The following RGPD4 variants were observed in gnomAD, a reference collection of about 807,000 sequenced individuals.
The protein encoded by RGPD4 is RANBP2 like and GRIP domain containing 4.
Under a neutral mutation model 141.1 loss-of-function variants are expected in RGPD4, and 84 were observed. The observed-to-expected ratio is 0.60, with a 90% CI of 0.50 to 0.71. The LOEUF (loss-of-function observed/expected upper bound fraction) is 0.71. Among genes scored for constraint, RGPD4 ranks in the 30% least tolerant of loss-of-function variants. The pLI, the probability that RGPD4 is intolerant of heterozygous loss-of-function variation, is 0.00. For missense variants in RGPD4, 918 were observed against 1,622.4 expected (o/e 0.57, Z 7.46); for synonymous variants, 298 against 566.8 (o/e 0.53, Z 6.74).
chr2:107,827,106 CCGA>C (rs1681218122), intron 1 of RGPD4, 21 bp downstream of exon 1: 1 of 1,579,332 alleles, frequency 6.3e-7, no homozygotes, highest in Non-Finnish European at 8.6e-7. Flanking sequence ...CTCGAAGAGA[CCGA>C]CGGCCTCGAC....
At chr2:107,832,398 A>G (rs1681524067) in intron 1 of RGPD4, among the ~76,000 whole-genome samples, 1 of 151,200 alleles carries the variant, frequency 6.6e-6, no homozygotes, top group Non-Finnish European at 1.5e-5. Flanking sequence ...GTTTTGGTGT[A>G]GCATAGTCTC....
chr2:107,829,582 G>T (rs1172798244), intron 1 of RGPD4, among the ~76,000 whole-genome samples: 1 of 149,608 alleles, frequency 6.7e-6, no homozygotes, highest in African/African-American at 2.5e-5. Context: ...AGGCGTCATG[G>T]CTCCCGACGG....
In RGPD4 at chr2:107,869,330, T is replaced by G. The variant is rs1465764921; in HGVS notation, c.2606-553T>G. ...AGAGGGAGCAGACAGTTTGTACATC[T>G]GTATGAGTGTTGATGTGCTTTTTAT... On this transcript the variant is annotated intron_variant, in intron 18 of 22. Transcript: ENST00000408999. Among the ~76,000 whole-genome samples the G allele has an allele frequency of 1.4e-4, 10 of 71,260 alleles. 1 individual carries two copies. The highest frequency in any genetic ancestry group is 7.8e-4 in the Admixed American group (7 of 8,958). 46.7% of individuals were successfully genotyped at this position (71,260 alleles called of 152,430 possible).
At position 107,880,305 on chromosome 2, in the gene RGPD4, G is replaced by T. The variant is rs953357557; in HGVS notation, c.5064+198G>T. Among the ~76,000 whole-genome samples the T allele has an allele frequency of 4.1e-5, 4 of 96,714 alleles. No homozygotes were observed. In the Admixed American group the frequency reaches 5.0e-4, roughly 12 times the overall value. The allele number at this position is 96,714 out of a possible 152,430, so 63.4% of individuals were successfully genotyped here. ...TTTTGAGACAGTCTTGCTTTGTCAC[G>T]CAGGCTGGAGTGCAGTGGCACGATC... On this transcript the variant is annotated intron_variant, in intron 21 of 22. Transcript: ENST00000408999.
intron 1 of RGPD4, among the ~76,000 whole-genome samples, chr2:107,833,240 A>G (rs548668779): frequency 5.7e-4 from 87 of 152,208 alleles, no homozygotes; most frequent in African/African-American, 1.7e-3. Context: ...TTGAATTAAA[A>G]AAAAAAAGAG....
chr2:107,830,225 A>G (rs1681431268), intron 1 of RGPD4, among the ~76,000 whole-genome samples: 1 of 151,730 alleles, frequency 6.6e-6, no homozygotes, highest in Admixed American at 6.6e-5. Context: ...ATGGCTTGCA[A>G]TTTTTAACCT....
At chr2:107,851,155 G>T (rs1682105199) in intron 7 of RGPD4, among the ~76,000 whole-genome samples, 1 of 64,658 alleles carries the variant, frequency 1.5e-5, no homozygotes, top group African/African-American at 7.2e-5. Flanking sequence ...TGCTGTGGCT[G>T]GAGTGCAGTG....
At chr2:107,844,453 T>G (rs1385195644) in intron 6 of RGPD4, among the ~76,000 whole-genome samples, 1 of 152,230 alleles carries the variant, frequency 6.6e-6, no homozygotes, top group African/African-American at 2.4e-5. Context: ...CAGCAGAGAT[T>G]GTATGCCTGT....
chr2:107,888,561 C>T (rs3872528), intron 22 of RGPD4, among the ~76,000 whole-genome samples: 1 of 151,802 alleles, frequency 6.6e-6, no homozygotes, highest in African/African-American at 2.4e-5. Context: ...TGCCCTCATT[C>T]CCTCCTCCAG....
rs1472582031 is a variant in RGPD4 at position 107,859,795 on chromosome 2, G to A, written c.1708G>A (p.Gly570Ser). ...CACTCTAAGAGCCCAGGAAAAACAT[G>A]GCCTTCAACCTGCTCTGCTTGTACA... ...INTLRAQEKHGLQPALLVHWA... is the reference protein window; with the variant it reads ...INTLRAQEKHSLQPALLVHWA... The change falls in exon 12 of 23, where the codon GGC becomes AGC. Residue 570 changes from glycine to serine, a missense_variant. By Grantham distance (56) the Gly-to-Ser change is moderately conservative. Transcript: ENST00000408999. 6.2e-7 allele frequency: 1 copy of A among 1,609,894 alleles called. No individual in the cohort carries two copies. The highest frequency in any genetic ancestry group is 2.2e-5 in the East Asian group (1 of 44,824).
rs750320249 is a variant in RGPD4 at position 107,871,926 on chromosome 2, A to C, written c.3922A>C (p.Lys1308Gln). 46 of 1,611,556 alleles carry C rather than the reference A, an allele frequency of 2.9e-5. No individual in the cohort carries two copies. The highest frequency in any genetic ancestry group is 3.7e-5 in the Non-Finnish European group (44 of 1,179,848). ...SALSPSKSPAKLNQSGTSVGT... is the reference protein window; with the variant it reads ...SALSPSKSPAQLNQSGTSVGT... ...TTTGAGTCCATCTAAGTCTCCTGCC[A>C]AGTTGAATCAGAGTGGGACTTCAGT... Residue 1308 changes from lysine (K) to glutamine (Q), a missense_variant, in exon 20 of 23, where the codon AAG becomes CAG. By Grantham distance (53) the Lys-to-Gln change is moderately conservative. Transcript: ENST00000408999.
intron 7 of RGPD4, 23 bp from the exon 8 acceptor site, chr2:107,854,533 A>C: frequency 7.8e-7 from 1 of 1,279,942 alleles, no homozygotes; most frequent in Non-Finnish European, 1.1e-6. Flanking sequence ...TCAAATTAAG[A>C]TTTTTGATTC....
chr2:107,872,928 G>C lies in RGPD4; in HGVS notation c.4924G>C (p.Glu1642Gln), dbSNP rs570408891. The C allele has an allele frequency of 6.5e-7, 1 of 1,543,930 alleles. No individual in the cohort carries two copies. The highest frequency in any genetic ancestry group is 8.7e-7 in the Non-Finnish European group (1 of 1,145,862). Residue 1642 changes from glutamate (E) to glutamine (Q), a missense_variant and splice_region_variant, in exon 20 of 23, where the codon GAG becomes CAG. Transcript: ENST00000408999. ...INYTFKTPEKEPPLWHAEFTK... is the reference protein window; with the variant it reads ...INYTFKTPEKQPPLWHAEFTK... Reference sequence around the variant, plus strand: ...CTACACATTTAAAACACCAGAAAAGGGTAGGTACTTTGTTGTTAAAGTTAA... The same window carrying C: ...CTACACATTTAAAACACCAGAAAAGCGTAGGTACTTTGTTGTTAAAGTTAA...
intron 12 of RGPD4, 28 bp downstream of exon 12, chr2:107,859,873 A>T: frequency 6.4e-7 from 1 of 1,566,468 alleles, no homozygotes; most frequent in African/African-American, 1.5e-5. Flanking sequence ...AGCATTTTAA[A>T]AGAACATTAC....
chr2:107,883,940 C>T (rs1479558375), intron 22 of RGPD4, among the ~76,000 whole-genome samples: 1 of 152,066 alleles, frequency 6.6e-6, no homozygotes, highest in African/African-American at 2.4e-5. Flanking sequence ...ACTTAAATCC[C>T]ACACATCATT....
At chr2:107,875,599 G>GT (rs1371395833) in intron 20 of RGPD4, among the ~76,000 whole-genome samples, 2 of 146,114 alleles carry the variant, frequency 1.4e-5, no homozygotes, top group East Asian at 3.9e-4. Flanking sequence ...GCATATAGAA[G>GT]TTTTTTCTGT....
intron 7 of RGPD4, among the ~76,000 whole-genome samples, chr2:107,849,459 C>T (rs1426655774): frequency 2.3e-5 from 3 of 133,332 alleles, no homozygotes; most frequent in East Asian, 4.3e-4. Context: ...CTCCACCTCC[C>T]GAGTTCACGC....
chr2:107,832,146 G>A (rs1279508620), intron 1 of RGPD4, among the ~76,000 whole-genome samples: 1 of 151,760 alleles, frequency 6.6e-6, no homozygotes, highest in Non-Finnish European at 1.5e-5. Context: ...CCTCAAATGT[G>A]GTCAAACTGA....
chr2:107,857,424 C>T (rs1307420554), intron 9 of RGPD4, among the ~76,000 whole-genome samples: 32 of 148,226 alleles, frequency 2.2e-4, no homozygotes, highest in East Asian at 4.3e-4. Context: ...CAGGTGTGAG[C>T]CACCGTGACC....
Sources: gnomAD v4.1 joint callset for allele counts (sites outside exome capture counted in the v4.1 genomes callset) on GRCh38, gnomAD v4.1.1 for gene constraint, MANE v1.5 for transcripts, NCBI Gene and HGNC (gene_info 2026-07-23, HGNC 2026-07-21) for gene names.